The following DMD variants were observed in gnomAD, a reference collection of about 807,000 sequenced individuals.
DMD encodes dystrophin.
In DMD, 63 loss-of-function variants were observed where a neutral mutation model predicts 330.1. The ratio of observed to expected loss-of-function variants is 0.19; its 90% CI spans 0.16 to 0.24. DMD has a LOEUF of 0.24. DMD is among the 10% of genes least tolerant of loss of function. DMD has a pLI of 1.00. For synonymous variants in DMD, 1,223 were observed against 959.8 expected (o/e 1.27, Z -5.07); for missense variants, 3,344 against 2,684.1 (o/e 1.25, Z -5.43).
intron 48 of DMD, among the ~76,000 whole-genome samples, chrX:31,853,146 A>G (rs1189825091): frequency 2.7e-5 from 3 of 112,789 alleles, no homozygotes; most frequent in East Asian, 5.6e-4. Context: ...GGCCTCTCAA[A>G]GTGCTGGGAT....
At chrX:32,453,419 G>A (rs1204130403) in intron 26 of DMD, among the ~76,000 whole-genome samples, 1 of 110,525 alleles carries the variant, frequency 9.0e-6, no homozygotes, top group Non-Finnish European at 1.9e-5. Context: ...ACATATTTAT[G>A]GAGTATATTA....
chrX:33,067,917 T>G (rs2094690721), intron 1 of DMD, among the ~76,000 whole-genome samples: 1 of 111,848 alleles, frequency 8.9e-6, no homozygotes, highest in Non-Finnish European at 1.9e-5. Context: ...AATGGTTGAT[T>G]CCATAATACT....
chrX:31,831,744 G>GCA (rs1205311723), intron 49 of DMD, among the ~76,000 whole-genome samples: 9 of 110,466 alleles, frequency 8.1e-5, no homozygotes, highest in Non-Finnish European at 1.7e-4. Flanking sequence ...GACTACAGAT[G>GCA]CCTGCCACCA....
At chrX:32,983,587 C>A (rs7059175) in intron 2 of DMD, among the ~76,000 whole-genome samples, 1 of 92,706 alleles carries the variant, frequency 1.1e-5, no homozygotes, top group Non-Finnish European at 2.3e-5. Flanking sequence ...ATAGGAACAC[C>A]GAGAGAAACT....
At chrX:31,912,258 A>T (rs1603584282) in intron 47 of DMD, among the ~76,000 whole-genome samples, 2 of 111,296 alleles carry the variant, frequency 1.8e-5, no homozygotes, top group Admixed American at 1.9e-4. Context: ...GCCTGCAGCC[A>T]GCAGTGGTCA....
intron 59 of DMD, among the ~76,000 whole-genome samples, chrX:31,471,860 G>A (rs1018846608): frequency 2.7e-5 from 3 of 111,283 alleles, no homozygotes; most frequent in Admixed American, 9.6e-5. Flanking sequence ...AGTGACACTC[G>A]CTATAATATG....
chrX:32,540,432 C>G (rs894038266), intron 17 of DMD, among the ~76,000 whole-genome samples: 4 of 111,320 alleles, frequency 3.6e-5, no homozygotes, highest in Admixed American at 9.6e-5. Flanking sequence ...AATTTTAAAT[C>G]CCTTAATTGT....
At chrX:31,808,835 T>C (rs1392510571) in intron 50 of DMD, among the ~76,000 whole-genome samples, 1 of 111,393 alleles carries the variant, frequency 9.0e-6, no homozygotes, top group East Asian at 2.8e-4. Context: ...GAGTTCTGTT[T>C]TGATCATGCT....
At chrX:31,305,741 C>T (rs2054977423) in intron 62 of DMD, among the ~76,000 whole-genome samples, 2 of 112,440 alleles carry the variant, frequency 1.8e-5, no homozygotes, top group Admixed American at 1.9e-4. Flanking sequence ...AACCAAACAC[C>T]TCCAACAAAC....
rs778710676 is a variant in DMD, at chrX:32,332,677, C to A, written c.5922+9423G>T. 1.3e-4 allele frequency among the ~76,000 whole-genome samples: 14 copies of A among 110,109 alleles called. No homozygotes were observed. The South Asian group carries it at 1.9e-3, about 15-fold the overall frequency. On this transcript the variant is annotated intron_variant, in intron 41 of 78. Transcript: ENST00000357033. ...AGGCCTGAGTTAAGAAGTGGGCCAG[C>A]CAGGTCAGATATCCCTTGAAATTCA...
intron 62 of DMD, among the ~76,000 whole-genome samples, chrX:31,313,660 C>T (rs976853264): frequency 2.7e-5 from 3 of 110,250 alleles, no homozygotes; most frequent in South Asian, 8.0e-4. Context: ...AGTAATGTCT[C>T]ATTATCCACC....
At chrX:32,798,050 A>C (rs2076299884) in intron 7 of DMD, among the ~76,000 whole-genome samples, 1 of 112,079 alleles carries the variant, frequency 8.9e-6, no homozygotes, top group Middle Eastern at 4.6e-3. Context: ...GAAATTATAA[A>C]TTGACCATTT....
Position 32,823,242 on chromosome X carries a change from T to TA in DMD, c.357+52dup, listed in dbSNP as rs751408067. The TA allele has an allele frequency of 7.7e-6, 8 of 1,043,081 alleles. No homozygotes were observed. In the South Asian group the frequency reaches 9.4e-5, roughly 12 times the overall value. The allele number at this position is 1,043,081 out of a possible 1,213,427, so 86.0% of individuals were successfully genotyped here. ...TGTTTCACACGTCAAGGGTAAAAAT[T>TA]AAAAAACAAGATTAATGTTACCCAA... On this transcript the variant is annotated intron_variant, in intron 5 of 78. Transcript: ENST00000357033.
rs60429654 is a variant in DMD at position 32,310,560 on chromosome X, T to C, written c.5923-284A>G. Among the ~76,000 whole-genome samples, 593 of 111,481 alleles carry C rather than the reference T, an allele frequency of 5.3e-3. 8 individuals carry two copies. The highest frequency in any genetic ancestry group is 0.018 in the African/African-American group (547 of 30,806). ...CCATGAGGTCATAAGGAGAGTAGTT[T>C]TATCCTAAGAAAAAGACGATTTTTG... On this transcript the variant is annotated intron_variant, in intron 41 of 78. Coordinates refer to ENST00000357033, the MANE Select transcript of DMD (RefSeq NM_004006.3).
intron 7 of DMD, among the ~76,000 whole-genome samples, chrX:32,719,252 G>A (rs964806186): frequency 1.8e-5 from 2 of 112,009 alleles, no homozygotes; most frequent in African/African-American, 6.5e-5. Flanking sequence ...CTGGTTGGAA[G>A]CAAATAGCTT....
At chrX:32,087,252 G>A (rs1438946628) in intron 44 of DMD, among the ~76,000 whole-genome samples, 2 of 111,640 alleles carry the variant, frequency 1.8e-5, no homozygotes, top group Non-Finnish European at 1.9e-5. Flanking sequence ...TTTCCCAGAA[G>A]AATTAACAAA....
At chrX:31,816,794 T>TCGCACACACACACACACA (rs1556914952) in intron 50 of DMD, among the ~76,000 whole-genome samples, 1 of 85,344 alleles carries the variant, frequency 1.2e-5, no homozygotes, top group Non-Finnish European at 2.3e-5. Context: ...CAAGATTCTG[T>TCGCACACACACACACACA]CACACACACA....
At chrX:32,388,472 A>C (rs1167735282) in intron 32 of DMD, among the ~76,000 whole-genome samples, 1 of 108,631 alleles carries the variant, frequency 9.2e-6, no homozygotes, top group African/African-American at 3.4e-5. Context: ...AGAATAATTA[A>C]AGTAATTATA....
chrX:31,289,371 G>C (rs1603302462), intron 62 of DMD, among the ~76,000 whole-genome samples: 1 of 107,764 alleles, frequency 9.3e-6, no homozygotes, highest in Non-Finnish European at 1.9e-5. Flanking sequence ...ATACAATTTT[G>C]CTTATTTGGT....
Sources: gnomAD v4.1 joint callset for allele counts (sites outside exome capture counted in the v4.1 genomes callset) on GRCh38, gnomAD v4.1.1 for gene constraint, MANE v1.5 for transcripts, NCBI Gene and HGNC (gene_info 2026-07-23, HGNC 2026-07-21) for gene names.